Variants in F5 observed in about 807,000 individuals in gnomAD.
F5 encodes activated protein c cofactor.
Under a neutral mutation model 216.4 loss-of-function variants are expected in F5, and 138 were observed. That is an observed-to-expected ratio of 0.64 (90% CI 0.56 to 0.73). The LOEUF (loss-of-function observed/expected upper bound fraction) is 0.73. F5 is among the 30% of genes least tolerant of loss of function. The probability of loss-of-function intolerance (pLI) is 0.00; values close to 1 mark genes in which losing one functional copy is unlikely to be tolerated. For synonymous variants in F5, 916 were observed against 930.7 expected (o/e 0.98, Z 0.29); for missense variants, 2,403 against 2,674.0 (o/e 0.90, Z 2.24).
Position 169,540,245 on chromosome 1 carries a change from T to G in F5, c.4796+49A>C, listed in dbSNP as rs9332609. ...CCCTGAATTGTAGTAGCTACTTTTT[T>G]CAGCAGTAATGGAAAAATGAGAATA... On this transcript the variant is annotated intron_variant, in intron 13 of 24. Transcript: ENST00000367797. The G allele has an allele frequency of 0.061, 97,428 of 1,597,262 alleles. 3,503 individuals carry two copies. The highest frequency in any genetic ancestry group is 0.098 in the Admixed American group (5,846 of 59,834).
intron 3 of F5, among the ~76,000 whole-genome samples, chr1:169,565,694 C>T (rs1209874830): frequency 1.3e-5 from 2 of 152,080 alleles, no homozygotes; most frequent in Non-Finnish European, 2.9e-5. Context: ...GGATCTGGAT[C>T]TTAGCTGCCC....
rs747439359 is a variant in F5 at position 169,549,763 on chromosome 1, C to T, written c.1611+38G>A. 6 of 1,516,334 alleles carry T rather than the reference C, an allele frequency of 4.0e-6. No homozygotes were observed. In the Admixed American group the frequency reaches 1.0e-4, roughly 26 times the overall value. The allele number at this position is 1,516,334 out of a possible 1,614,324, so 93.9% of individuals were successfully genotyped here. A position where few individuals can be genotyped will look rare whatever the true frequency, so the allele number is the denominator to read the frequency against. The stretch of plus-strand genomic sequence containing the variant: ...TAACATGTTCTAGCCAGAAGAAATT[C>T]TCAGAATTTCTGAAAGGTTACTTCA... On this transcript the variant is annotated intron_variant, in intron 10 of 24. Transcript: ENST00000367797.
At position 169,521,615 on chromosome 1, in the gene F5, A is replaced by T. The variant is rs980525991; in HGVS notation, c.6049-951T>A. On this transcript the variant is annotated intron_variant, in intron 21 of 24. Transcript: ENST00000367797. ...AAAACAAGGCTGGTTCTGTGAAAAGATTTTTTTTTTTTTTTTTTTTTTTTG... is the reference window on the plus strand; with the variant it reads ...AAAACAAGGCTGGTTCTGTGAAAAGTTTTTTTTTTTTTTTTTTTTTTTTTG... Among the ~76,000 whole-genome samples, 27 of 106,268 alleles carry T rather than the reference A, an allele frequency of 2.5e-4. No individual in the cohort carries two copies. In the East Asian group the frequency reaches 2.8e-3, roughly 11 times the overall value. The allele number at this position is 106,268 out of a possible 152,430, so 69.7% of individuals were successfully genotyped here.
intron 24 of F5, 90 bp from the exon 25 acceptor site, chr1:169,514,549 G>T: frequency 8.6e-7 from 1 of 1,167,782 alleles, no homozygotes. Flanking sequence ...GTCTTATTCT[G>T]TTGCCCAGGC....
intron 14 of F5, among the ~76,000 whole-genome samples, chr1:169,535,080 C>T (rs530964980): frequency 6.6e-6 from 1 of 152,280 alleles, no homozygotes; most frequent in South Asian, 2.1e-4. Context: ...GGGTACTATG[C>T]ACGCTACTTG....
At chr1:169,545,915 C>G (rs1336162734) in intron 11 of F5, among the ~76,000 whole-genome samples, 2 of 152,272 alleles carry the variant, frequency 1.3e-5, no homozygotes, top group East Asian at 1.9e-4. Flanking sequence ...ATGCCGGAAC[C>G]CTCATTCAGG....
At chr1:169,586,091 G>T (rs565074199) in intron 1 of F5, 138 bp downstream of exon 1, 3 of 934,050 alleles carry the variant, frequency 3.2e-6, no homozygotes, top group Non-Finnish European at 4.8e-6. Flanking sequence ...ATTTAATTCA[G>T]TATACTCTCC....
In F5 at chr1:169,541,157, G is replaced by C. The variant is rs1326777929; in HGVS notation, c.3933C>G (p.Asn1311Lys). ...GCATCTGACCGAGGGCTGGGGAAAG[G>C]TTTGTCTGACTGAGTTCTGGAGAGA... is the stretch of plus-strand genomic sequence containing the variant. ...MTLSPELSQT[N>K]LSPALGQMPI... Residue 1311 changes from asparagine (N) to lysine (K), a missense_variant, in exon 13 of 25, where the codon AAC becomes AAG. Physicochemically the swap from Asn to Lys is moderately conservative, Grantham distance 94. Transcript: ENST00000367797. 1 of 1,574,832 alleles carries C rather than the reference G, an allele frequency of 6.3e-7. No individual in the cohort carries two copies. The highest frequency in any genetic ancestry group is 2.3e-5 in the East Asian group (1 of 43,008).
intron 21 of F5, among the ~76,000 whole-genome samples, chr1:169,521,957 T>G (rs1659320782): frequency 6.6e-6 from 1 of 151,652 alleles, no homozygotes; most frequent in Admixed American, 6.6e-5. Flanking sequence ...TCTAGCAAGA[T>G]TCACACAAAA....
chr1:169,517,318 T>C (rs1029766527), intron 23 of F5, among the ~76,000 whole-genome samples: 1 of 152,180 alleles, frequency 6.6e-6, no homozygotes, highest in African/African-American at 2.4e-5. Context: ...TGTAACATTC[T>C]GTGATTCCAT....
intron 22 of F5, among the ~76,000 whole-genome samples, chr1:169,518,869 A>G (rs1470253016): frequency 6.6e-6 from 1 of 152,212 alleles, no homozygotes; most frequent in Non-Finnish European, 1.5e-5. Context: ...CATGTTCTAA[A>G]CATTTAAACT....
At chr1:169,582,612 A>T in intron 1 of F5, 90 bp from the exon 2 acceptor site, 1 of 674,098 alleles carries the variant, frequency 1.5e-6, no homozygotes, top group Non-Finnish European at 2.6e-6. Flanking sequence ...ATATCTTCAG[A>T]CTTCTAGTAG....
Position 169,544,523 on chromosome 1 carries a change from T to C in F5, c.1763-15A>G. On this transcript the variant is annotated splice_polypyrimidine_tract_variant and intron_variant, in intron 11 of 24. Coordinates refer to ENST00000367797, the MANE Select transcript of F5 (RefSeq NM_000130.5). The stretch of plus-strand genomic sequence containing the variant: ...GCCATTGATAGCTGAAAGTGTAAAA[T>C]CTGTTAAAATTCCAAGTCTATGCCA... 1 of 1,609,818 alleles carries C rather than the reference T, an allele frequency of 6.2e-7. No individual in the cohort carries two copies. The highest frequency in any genetic ancestry group is 1.3e-5 in the African/African-American group (1 of 74,960).
At chr1:169,579,948 T>C (rs1660952374) in intron 2 of F5, among the ~76,000 whole-genome samples, 1 of 152,182 alleles carries the variant, frequency 6.6e-6, no homozygotes, top group Non-Finnish European at 1.5e-5. Context: ...GGATCCCTGA[T>C]CCCCATCTAG....
At chr1:169,559,947 T>A (rs1300020152) in intron 4 of F5, among the ~76,000 whole-genome samples, 1 of 152,196 alleles carries the variant, frequency 6.6e-6, no homozygotes, top group African/African-American at 2.4e-5. Flanking sequence ...TTTCCCATGC[T>A]GTGGCTCACT....
At chr1:169,567,724 T>C (rs1288949841) in intron 3 of F5, among the ~76,000 whole-genome samples, 1 of 152,114 alleles carries the variant, frequency 6.6e-6, no homozygotes, top group African/African-American at 2.4e-5. Flanking sequence ...CATCATCCAC[T>C]AGGTTCCAGG....
intron 3 of F5, among the ~76,000 whole-genome samples, chr1:169,565,407 T>C (rs989514889): frequency 2.0e-5 from 3 of 152,092 alleles, no homozygotes; most frequent in Non-Finnish European, 2.9e-5. Flanking sequence ...CTTCCATAGG[T>C]ACCTAGAGAA....
chr1:169,581,622 A>C (rs749468056), intron 2 of F5, among the ~76,000 whole-genome samples: 1 of 152,142 alleles, frequency 6.6e-6, no homozygotes, highest in Non-Finnish European at 1.5e-5. Context: ...GCAGGTCTTC[A>C]TCTGATTGGG....
At chr1:169,531,067 A>C (rs1318524356) in intron 14 of F5, 45 bp from the exon 15 acceptor site, 1 of 1,430,796 alleles carries the variant, frequency 7.0e-7, no homozygotes, top group South Asian at 1.1e-5. Flanking sequence ...CTTAACAAAA[A>C]TCTAAACCAC....
Sources: allele counts gnomAD v4.1 joint callset (sites outside exome capture counted in the v4.1 genomes callset), GRCh38; gene constraint gnomAD v4.1.1; transcripts MANE v1.5; gene names NCBI Gene and HGNC (gene_info 2026-07-23, HGNC 2026-07-21).